Variants in DENND5B observed in about 807,000 individuals in gnomAD.
The protein encoded by DENND5B is DENN domain-containing protein 5B.
In DENND5B, 34 loss-of-function variants were observed where a neutral mutation model predicts 140.6. The ratio of observed to expected loss-of-function variants is 0.24; its 90% CI spans 0.18 to 0.32. The LOEUF (loss-of-function observed/expected upper bound fraction) is 0.32. Ranked by LOEUF, DENND5B falls within the 10% of genes least tolerant of loss-of-function variation. The pLI, the probability that DENND5B is intolerant of heterozygous loss-of-function variation, is 1.00. For synonymous variants in DENND5B, 551 were observed against 562.1 expected (o/e 0.98, Z 0.28); for missense variants, 1,142 against 1,560.2 (o/e 0.73, Z 4.52).
intron 1 of DENND5B, among the ~76,000 whole-genome samples, chr12:31,554,678 G>A (rs928595295): frequency 7.2e-5 from 11 of 152,092 alleles, no homozygotes; most frequent in African/African-American, 2.2e-4. Flanking sequence ...CATTCTCCCC[G>A]TCACTTTCAG....
chr12:31,503,467 G>A (rs1206289080), intron 1 of DENND5B, among the ~76,000 whole-genome samples: 1 of 152,180 alleles, frequency 6.6e-6, no homozygotes, highest in Non-Finnish European at 1.5e-5. Context: ...GGCTGAGGTG[G>A]GAGGATGGCT....
chr12:31,478,440 C>T (rs990440058), intron 3 of DENND5B, among the ~76,000 whole-genome samples: 1 of 152,224 alleles, frequency 6.6e-6, no homozygotes, highest in Middle Eastern at 3.2e-3. Flanking sequence ...TGCAATGCTT[C>T]ATGCCTGTAA....
intron 1 of DENND5B, among the ~76,000 whole-genome samples, chr12:31,545,421 T>C (rs571751471): frequency 9.2e-5 from 14 of 152,142 alleles, no homozygotes; most frequent in Non-Finnish European, 1.8e-4. Context: ...CAGTTTCTGT[T>C]GTTGCCATCT....
intron 1 of DENND5B, among the ~76,000 whole-genome samples, chr12:31,505,842 G>GT (rs1242781522): frequency 6.6e-6 from 1 of 151,666 alleles, no homozygotes; most frequent in Non-Finnish European, 1.5e-5. Flanking sequence ...TTAATTAATT[G>GT]TTTTTTTGAG....
intron 1 of DENND5B, among the ~76,000 whole-genome samples, chr12:31,579,278 C>A (rs77293795): frequency 0.021 from 3,209 of 152,320 alleles, 58 homozygotes; most frequent in South Asian, 0.052. Context: ...TGTGCTGTCT[C>A]AGCAGCAGAT....
At chr12:31,413,700 G>A in intron 12 of DENND5B, 136 bp from the exon 13 acceptor site, 1 of 987,362 alleles carries the variant, frequency 1.0e-6, no homozygotes, top group Non-Finnish European at 1.4e-6. Flanking sequence ...AATTGATGTT[G>A]ATTAAATCTT....
intron 1 of DENND5B, among the ~76,000 whole-genome samples, chr12:31,567,362 C>T (rs188989973): frequency 3.3e-5 from 5 of 151,624 alleles, no homozygotes; most frequent in African/African-American, 9.7e-5. Flanking sequence ...CTTGTGTGTC[C>T]TATCTTTCCT....
At chr12:31,573,239 G>A (rs1195755888) in intron 1 of DENND5B, among the ~76,000 whole-genome samples, 13 of 151,930 alleles carry the variant, frequency 8.6e-5, no homozygotes, top group Admixed American at 8.5e-4. Context: ...AAATCCCAAG[G>A]CAAATTTGAA....
chr12:31,488,853 T>C (rs975018748), intron 2 of DENND5B, among the ~76,000 whole-genome samples: 2 of 152,108 alleles, frequency 1.3e-5, no homozygotes, highest in African/African-American at 4.8e-5. Context: ...CATCCCACAA[T>C]AAAACAACTA....
chr12:31,587,526 CTTTTTTTTTTTTTTTTTTTTTTTTTT>C (rs71460995), intron 1 of DENND5B, among the ~76,000 whole-genome samples: 3 of 74,948 alleles, frequency 4.0e-5, no homozygotes, highest in Non-Finnish European at 7.8e-5. Context: ...CCACAAATAC[CTTTTTTTTTTTTTTTTTTTTTTTTTT>C]TTTTTTTTTT....
chr12:31,480,561 C>G (rs889900159), intron 2 of DENND5B, among the ~76,000 whole-genome samples: 1 of 152,134 alleles, frequency 6.6e-6, no homozygotes, highest in Admixed American at 6.6e-5. Context: ...AAGCTTGTGG[C>G]CTTTAGCAAG....
chr12:31,392,717 G>C, intron 17 of DENND5B, 21 bp from the exon 18 acceptor site: 1 of 1,545,722 alleles, frequency 6.5e-7, no homozygotes, highest in Non-Finnish European at 8.7e-7. Flanking sequence ...ATAAACAGTG[G>C]CTGCATTCTC....
chr12:31,460,384 G>C lies in DENND5B; in HGVS notation c.905-3C>G. On this transcript the variant is annotated splice_region_variant and splice_polypyrimidine_tract_variant and intron_variant, in intron 3 of 20. Transcript: ENST00000389082. ...CACAGTCATCAGGCGTTGATAATCT[G>C]CACAGAACAAGGAAAAAGGAAAGGG... The C allele has an allele frequency of 6.2e-7, 1 of 1,612,570 alleles. No homozygotes were observed. The highest frequency in any genetic ancestry group is 8.5e-7 in the Non-Finnish European group (1 of 1,179,058).
chr12:31,438,148 G>A (rs1176029877), intron 7 of DENND5B, among the ~76,000 whole-genome samples: 2 of 152,108 alleles, frequency 1.3e-5, no homozygotes, highest in African/African-American at 4.8e-5. Context: ...GCTAATTTTT[G>A]TATTTTAGTA....
intron 1 of DENND5B, among the ~76,000 whole-genome samples, chr12:31,576,545 T>A (rs531292694): frequency 6.6e-6 from 1 of 152,196 alleles, no homozygotes; most frequent in South Asian, 2.1e-4. Flanking sequence ...TCCCAGTTTC[T>A]GCTAGAAATG....
At chr12:31,562,218 CA>C (rs1949501837) in intron 1 of DENND5B, among the ~76,000 whole-genome samples, 1 of 152,202 alleles carries the variant, frequency 6.6e-6, no homozygotes, top group Admixed American at 6.5e-5. Context: ...CATTACCACC[CA>C]AAAGTCCAAT....
At chr12:31,562,043 A>C (rs1949493309) in intron 1 of DENND5B, among the ~76,000 whole-genome samples, 1 of 152,234 alleles carries the variant, frequency 6.6e-6, no homozygotes. Context: ...CAGACTCTGT[A>C]CATTATCTCA....
intron 7 of DENND5B, among the ~76,000 whole-genome samples, chr12:31,437,138 GCC>G (rs1174192766): frequency 1.7e-4 from 17 of 101,382 alleles, no homozygotes; most frequent in South Asian, 8.4e-4. Context: ...TATAGCACCT[GCC>G]CCCCCCTTTT....
chr12:31,439,482 G>C (rs1001116372), intron 7 of DENND5B, among the ~76,000 whole-genome samples: 1 of 100,566 alleles, frequency 9.9e-6, no homozygotes. Flanking sequence ...GACATATTAG[G>C]TTCCTTTTTT....
Sources: gnomAD v4.1 joint callset for allele counts (sites outside exome capture counted in the v4.1 genomes callset) on GRCh38, gnomAD v4.1.1 for gene constraint, MANE v1.5 for transcripts, NCBI Gene and HGNC (gene_info 2026-07-23, HGNC 2026-07-21) for gene names.